The following COPS5 variants were observed in gnomAD, a reference collection of about 807,000 sequenced individuals.
The protein encoded by COPS5 is COP9 signalosome complex subunit 5.
COPS5 carries 8 observed loss-of-function variants against 44.4 expected under a neutral mutation model. That is an observed-to-expected ratio of 0.18 (90% confidence interval 0.11 to 0.32). The LOEUF (loss-of-function observed/expected upper bound fraction) is 0.32, where lower values mean the gene tolerates loss of function less well. Ranked by LOEUF, COPS5 falls within the 10% of genes least tolerant of loss-of-function variation. The probability of loss-of-function intolerance (pLI) is 1.00; values close to 1 mark genes in which losing one functional copy is unlikely to be tolerated. For synonymous variants in COPS5, 122 were observed against 142.8 expected (o/e 0.85, Z 1.04); for missense variants, 159 against 406.4 (o/e 0.39, Z 5.23).
intron 6 of COPS5, among the ~76,000 whole-genome samples, chr8:67,050,552 AGTGTGAGTGT>A (rs1442278829): frequency 2.2e-5 from 3 of 134,470 alleles, no homozygotes; most frequent in Admixed American, 7.2e-5. Flanking sequence ...GAAATATGTG[AGTGTGAGTGT>A]GTGTGTGTGT....
intron 5 of COPS5, among the ~76,000 whole-genome samples, 160 bp downstream of exon 5, chr8:67,056,359 C>T (rs779144575): frequency 8.6e-5 from 13 of 151,764 alleles, no homozygotes; most frequent in Non-Finnish European, 1.3e-4. Flanking sequence ...ATCTGGCTAA[C>T]TTTTATAACA....
intron 3 of COPS5, 142 bp from the exon 4 acceptor site, chr8:67,057,587 A>G (rs575819817): frequency 3.7e-4 from 171 of 461,656 alleles, no homozygotes; most frequent in Non-Finnish European, 5.3e-4. Context: ...AAAAACCATA[A>G]AAGTTCAGTA....
intron 1 of COPS5, chr8:67,061,411 G>A: frequency 2.2e-6 from 1 of 452,658 alleles, no homozygotes; most frequent in African/African-American, 2.0e-5. Context: ...GCAACACAGC[G>A]AGGACCCATT....
chr8:67,054,409 C>G (rs1199575648), intron 5 of COPS5, among the ~76,000 whole-genome samples: 1 of 152,092 alleles, frequency 6.6e-6, no homozygotes. Context: ...TTCTCTCAAA[C>G]AGGAATCATT....
At position 67,048,131 on chromosome 8, in the gene COPS5, A is replaced by T. The variant is rs1037248811; in HGVS notation, c.772-2171T>A. Among the ~76,000 whole-genome samples, 7 of 152,050 alleles carry T rather than the reference A, an allele frequency of 4.6e-5. No individual in the cohort carries two copies. In the East Asian group the frequency reaches 1.4e-3, roughly 29 times the overall value. On this transcript the variant is annotated intron_variant, in intron 6 of 7. Transcript: ENST00000357849. ...TCTCTATGAAAAAATATAAAAAATT[A>T]GTCAGGCATGGTGGTGTACATCCTG...
At chr8:67,055,735 A>T (rs1804494128) in intron 5 of COPS5, among the ~76,000 whole-genome samples, 1 of 151,740 alleles carries the variant, frequency 6.6e-6, no homozygotes, top group Non-Finnish European at 1.5e-5. Flanking sequence ...GTGTGGTGGC[A>T]CACACCTATA....
At chr8:67,044,065 CAG>C (rs1480200406) in intron 7 of COPS5, 3 of 152,052 alleles carry the variant, frequency 2.0e-5, no homozygotes, top group African/African-American at 4.8e-5. Context: ...TTTTTGGAGA[CAG>C]AGTCTCACTC....
chr8:67,052,663 C>T (rs1804435626), intron 5 of COPS5, among the ~76,000 whole-genome samples: 1 of 151,554 alleles, frequency 6.6e-6, no homozygotes, highest in African/African-American at 2.4e-5. Flanking sequence ...GGTGATCTGC[C>T]CGCCTTGGCG....
At chr8:67,058,350 A>G (rs577788279) in intron 2 of COPS5, 139 bp from the exon 3 acceptor site, 71 of 709,516 alleles carry the variant, frequency 1.0e-4, no homozygotes, top group Non-Finnish European at 1.5e-4. Context: ...TGCGAAATCT[A>G]TGGGCAATTG....
At position 67,062,079 on chromosome 8, in the gene COPS5, C is replaced by T. The variant is rs1804659384; in HGVS notation, c.-83G>A. 1.1e-5 allele frequency: 17 copies of T among 1,600,296 alleles called. No individual in the cohort carries two copies. Among genetic ancestry groups the T allele is most frequent in the East Asian group, 2.2e-5 (1 of 44,508 alleles). ...AGGTTTCCGGGTGTGGGCCTTGACCCTCCGCACCACGGGAACAAACTCTTA... is the reference window on the plus strand; with the variant it reads ...AGGTTTCCGGGTGTGGGCCTTGACCTTCCGCACCACGGGAACAAACTCTTA... On this transcript the variant is annotated 5_prime_UTR_variant, in exon 1 of 8. Coordinates refer to ENST00000357849, the MANE Select transcript of COPS5 (RefSeq NM_006837.3).
intron 5 of COPS5, among the ~76,000 whole-genome samples, chr8:67,054,004 TAAAAA>T: frequency 7.8e-6 from 1 of 128,714 alleles, no homozygotes; most frequent in African/African-American, 2.9e-5. Flanking sequence ...AGACTCCATT[TAAAAA>T]AAAAAAAAAA....
In COPS5 at chr8:67,045,859, C is replaced by A. The variant is rs758884986; in HGVS notation, c.873G>T (p.Thr291=). The change falls in exon 7 of 8, where the codon ACG becomes ACT. Residue 291 remains threonine (T), a synonymous_variant. Transcript: ENST00000357849. ...GTTTGTCTTCTGATTTTCGGTCATG[C>A]GTTTCTAAACCCAACATGAAACTCC... The part of the protein sequence containing the change: ...GRGSFMLGLE[T]HDRKSEDKLA... The A allele has an allele frequency of 5.6e-6, 9 of 1,614,126 alleles. No homozygotes were observed. In the South Asian group the frequency reaches 8.8e-5, roughly 16 times the overall value.
intron 4 of COPS5, among the ~76,000 whole-genome samples, chr8:67,056,892 G>A (rs1397253555): frequency 6.6e-6 from 1 of 151,592 alleles, no homozygotes; most frequent in Non-Finnish European, 1.5e-5. Flanking sequence ...CTCCTTAGGT[G>A]ATGTACTTTT....
rs1383392311 is a variant in COPS5 at position 67,050,653 on chromosome 8, T to C, written c.771+577A>G. On this transcript the variant is annotated intron_variant, in intron 6 of 7. Transcript: ENST00000357849. ...TGTGTGTGTGTGTGTATCTTGACCT[T>C]CTTTTTGAACATGAAGCTGAGAGAC... Among the ~76,000 whole-genome samples the C allele has an allele frequency of 2.7e-5, 4 of 149,608 alleles. No homozygotes were observed. The East Asian group carries it at 7.8e-4, about 29-fold the overall frequency.
In COPS5 at chr8:67,051,176, G is replaced by C. The variant is rs548358354; in HGVS notation, c.771+54C>G. 8 of 1,129,076 alleles carry C rather than the reference G, an allele frequency of 7.1e-6. No homozygotes were observed. In the Admixed American group the frequency reaches 1.2e-4, roughly 17 times the overall value. The allele number at this position is 1,129,076 out of a possible 1,614,324, so 69.9% of individuals were successfully genotyped here. ...TGAAACAGTGTTTCAGATATTAAAC[G>C]GCTATGAAGCTTAGATAAAATTCAA... On this transcript the variant is annotated intron_variant, in intron 6 of 7. Transcript: ENST00000357849.
At chr8:67,047,256 C>T (rs577297140) in intron 6 of COPS5, among the ~76,000 whole-genome samples, 1 of 152,304 alleles carries the variant, frequency 6.6e-6, no homozygotes, top group Middle Eastern at 3.4e-3. Context: ...GCCATCACAG[C>T]TTACTATAGG....
chr8:67,044,660 C>CAT, intron 7 of COPS5: 1 of 151,598 alleles, frequency 6.6e-6, no homozygotes, highest in Non-Finnish European at 1.5e-5. Context: ...AGTGCAATGG[C>CAT]GCCATCTTGG....
chr8:67,061,726 C>T, intron 1 of COPS5, 128 bp downstream of exon 1: 3 of 923,522 alleles, frequency 3.2e-6, no homozygotes, highest in Admixed American at 2.2e-5. Context: ...CTTGCAGATC[C>T]AAGACGCATA....
rs781637462 is a variant in COPS5 at position 67,060,419 on chromosome 8, T to G, written c.144-974A>C. The stretch of plus-strand genomic sequence containing the variant: ...AACGTCTCTACAAAGCCTTTTTAGA[T>G]GTCTGCCCACAGAAAGAATCCAAAT... On this transcript the variant is annotated intron_variant, in intron 1 of 7. Coordinates refer to ENST00000357849, the MANE Select transcript of COPS5 (RefSeq NM_006837.3). 5 of 1,286,376 alleles carry G rather than the reference T, an allele frequency of 3.9e-6. No individual in the cohort carries two copies. In the African/African-American group the frequency reaches 7.6e-5, roughly 20 times the overall value. 79.7% of individuals were successfully genotyped at this position (1,286,376 alleles called of 1,614,324 possible).
Sources: allele counts gnomAD v4.1 joint callset (sites outside exome capture counted in the v4.1 genomes callset), GRCh38; gene constraint gnomAD v4.1.1; transcripts MANE v1.5; gene names NCBI Gene and HGNC (gene_info 2026-07-23, HGNC 2026-07-21).